CAMK2B: variants seen among roughly 807,000 people sequenced by gnomAD.
CAMK2B encodes the protein calcium/calmodulin-dependent protein kinase type II subunit beta.
In CAMK2B, 27 loss-of-function variants were observed where a neutral mutation model predicts 93.7. The ratio of observed to expected loss-of-function variants is 0.29; its 90% CI spans 0.21 to 0.40. The LOEUF (loss-of-function observed/expected upper bound fraction) is 0.40. CAMK2B is among the 10% of genes least tolerant of loss of function. CAMK2B has a pLI of 1.00. For missense variants in CAMK2B, 568 were observed against 895.8 expected (o/e 0.63, Z 4.67); for synonymous variants, 374 against 358.8 (o/e 1.04, Z -0.48).
intron 1 of CAMK2B, among the ~76,000 whole-genome samples, chr7:44,294,851 G>A (rs763423850): frequency 1.3e-5 from 2 of 152,174 alleles, no homozygotes; most frequent in Non-Finnish European, 2.9e-5. Context: ...CAAAAGGTCA[G>A]CTGGGTCCCA....
intron 13 of CAMK2B, among the ~76,000 whole-genome samples, chr7:44,237,313 G>C (rs1051113661): frequency 6.6e-6 from 1 of 152,220 alleles, no homozygotes; most frequent in African/African-American, 2.4e-5. Flanking sequence ...TATGCTACTG[G>C]AGATGTACCA....
At position 44,217,343 on chromosome 7, in the gene CAMK2B, C is replaced by T. The variant is rs770816172; in HGVS notation, c.*2182G>A. On this transcript the variant is annotated 3_prime_UTR_variant, in exon 24 of 24. Transcript: ENST00000395749. ...GCCAGCGGCCGCCACCACCACACCG[C>T]GGACACCTAGCTAGCAGACCGGTGT... The T allele has an allele frequency of 3.9e-5, 6 of 152,498 alleles. No individual in the cohort carries two copies. The highest frequency in any genetic ancestry group is 1.9e-4 in the East Asian group (1 of 5,174). The allele number at this position is 152,498 out of a possible 1,614,324, so 9.4% of individuals were successfully genotyped here.
rs117331519 is a variant in CAMK2B at position 44,312,910 on chromosome 7, G to T, written c.65+12447C>A. 0.012 allele frequency among the ~76,000 whole-genome samples: 1,884 copies of T among 152,256 alleles called. 10 individuals carry two copies. Among genetic ancestry groups the T allele is most frequent in the Non-Finnish European group, 0.019 (1,317 of 68,008 alleles). On this transcript the variant is annotated intron_variant, in intron 1 of 23. Coordinates refer to ENST00000395749, the MANE Select transcript of CAMK2B (RefSeq NM_001220.5). This position sits in a 1 kb window ranked among gnomAD's most constrained non-coding sequence, Gnocchi z 4.1. ...GAGGGGTGTTCTCCGTCAGTCCCTG[G>T]GGCTGTTATGATGAAAGGATGGGGA...
At chr7:44,262,133 G>A (rs1480746852) in intron 3 of CAMK2B, among the ~76,000 whole-genome samples, 8 of 152,226 alleles carry the variant, frequency 5.3e-5, no homozygotes, top group Non-Finnish European at 8.8e-5. Context: ...AGCGACCTTC[G>A]GAGCCAGGCC....
chr7:44,310,431 C>T (rs774611597), intron 1 of CAMK2B, among the ~76,000 whole-genome samples: 11 of 152,158 alleles, frequency 7.2e-5, no homozygotes, highest in East Asian at 3.9e-4. Flanking sequence ...CAGAGAGTTA[C>T]GTGGCAGCCC....
chr7:44,232,680 G>A (rs1207883480), intron 16 of CAMK2B, 142 bp downstream of exon 16: 3 of 777,866 alleles, frequency 3.9e-6, no homozygotes, highest in Non-Finnish European at 4.4e-6. Context: ...AAGACGGACT[G>A]GGGCCCTACC....
intron 2 of CAMK2B, among the ~76,000 whole-genome samples, chr7:44,276,074 G>C (rs552325204): frequency 1.4e-4 from 21 of 152,020 alleles, no homozygotes; most frequent in African/African-American, 4.6e-4. Flanking sequence ...TAGGGAAGCA[G>C]AGGAGGTCTC....
At chr7:44,258,501 G>A (rs1686176827) in intron 4 of CAMK2B, among the ~76,000 whole-genome samples, 1 of 152,242 alleles carries the variant, frequency 6.6e-6, no homozygotes, top group South Asian at 2.1e-4. Flanking sequence ...CCAGCCAGTG[G>A]TGCCCCAGTC....
intron 13 of CAMK2B, among the ~76,000 whole-genome samples, chr7:44,236,947 A>G (rs1355488905): frequency 1.3e-5 from 2 of 152,246 alleles, no homozygotes; most frequent in African/African-American, 4.8e-5. Context: ...TGAACAGGCA[A>G]GGAAGGGACC....
chr7:44,300,865 C>T (rs1402420738), intron 1 of CAMK2B, among the ~76,000 whole-genome samples: 1 of 152,136 alleles, frequency 6.6e-6, no homozygotes, highest in Non-Finnish European at 1.5e-5. Flanking sequence ...ATCACCAAGA[C>T]AGACCACATT....
intron 4 of CAMK2B, among the ~76,000 whole-genome samples, chr7:44,257,435 G>A (rs1049758368): frequency 1.3e-5 from 2 of 152,154 alleles, no homozygotes; most frequent in Admixed American, 6.5e-5. Flanking sequence ...ACACATGCAC[G>A]AACACACCAC....
intron 2 of CAMK2B, among the ~76,000 whole-genome samples, chr7:44,274,361 C>G (rs1335517447): frequency 6.6e-6 from 1 of 152,198 alleles, no homozygotes; most frequent in Non-Finnish European, 1.5e-5. Flanking sequence ...CCAGGGCTCC[C>G]TGCAGCTGTT....
At position 44,221,085 on chromosome 7, in the gene CAMK2B, G is replaced by A. The variant is rs80077528; in HGVS notation, c.1598-184C>T. 3,094 of 587,732 alleles carry A rather than the reference G, an allele frequency of 5.3e-3. 9 individuals are homozygous for A. Among genetic ancestry groups the A allele is most frequent in the Non-Finnish European group, 6.9e-3 (2,284 of 329,902 alleles). The allele number at this position is 587,732 out of a possible 1,614,324, so 36.4% of individuals were successfully genotyped here. ...TCACCAGTGGCTTCCTCATTTTCAA[G>A]TGCAACAGCTTCCATCTTATTTTTC... On this transcript the variant is annotated intron_variant, in intron 20 of 23. Transcript: ENST00000395749.
chr7:44,308,819 C>T (rs1022802226), intron 1 of CAMK2B, among the ~76,000 whole-genome samples: 2 of 152,164 alleles, frequency 1.3e-5, no homozygotes, highest in Non-Finnish European at 2.9e-5. Flanking sequence ...AGGCGGTGTG[C>T]GAGCCCCTCG....
chr7:44,242,525 A>G, intron 9 of CAMK2B, 35 bp downstream of exon 9: 1 of 1,564,008 alleles, frequency 6.4e-7, no homozygotes, highest in Non-Finnish European at 8.8e-7. Context: ...CACCTGGAGG[A>G]AGGGAGCTCA....
intron 2 of CAMK2B, among the ~76,000 whole-genome samples, chr7:44,267,319 A>G (rs893465612): frequency 1.3e-5 from 2 of 152,338 alleles, no homozygotes; most frequent in African/African-American, 2.4e-5. Context: ...AGTGATGAGC[A>G]GAGTGCTCTC....
chr7:44,225,619 G>T lies in CAMK2B; in HGVS notation c.1597+897C>A, dbSNP rs1562784842. On this transcript the variant is annotated intron_variant, in intron 20 of 23. Coordinates refer to ENST00000395749, the MANE Select transcript of CAMK2B (RefSeq NM_001220.5). This position sits in a 1 kb window ranked among gnomAD's most constrained non-coding sequence, Gnocchi z 5.0. ...GATCCAGTGCCCCTTTGAGCCTGCA[G>T]CCTGCATCCCCCTCCTCGAGCCGCT... 1.4e-6 allele frequency: 1 copy of T among 725,488 alleles called. No individual in the cohort carries two copies. Among genetic ancestry groups the T allele is most frequent in the Non-Finnish European group, 2.0e-6 (1 of 491,876 alleles). 44.9% of individuals were successfully genotyped at this position (725,488 alleles called of 1,614,324 possible).
chr7:44,295,721 G>A (rs748753145), intron 1 of CAMK2B, among the ~76,000 whole-genome samples: 19 of 152,292 alleles, frequency 1.2e-4, no homozygotes, highest in South Asian at 1.0e-3. Context: ...ATGCCACGGC[G>A]TTCTGTTCTT....
At chr7:44,310,211 T>G (rs1366402719) in intron 1 of CAMK2B, among the ~76,000 whole-genome samples, 1 of 152,278 alleles carries the variant, frequency 6.6e-6, no homozygotes, top group African/African-American at 2.4e-5. Flanking sequence ...TCGAAAGTTT[T>G]ATTCTCAAGG....
Sources: allele counts gnomAD v4.1 joint callset (sites outside exome capture counted in the v4.1 genomes callset), GRCh38; gene constraint gnomAD v4.1.1; non-coding constraint Gnocchi (gnomAD v3.1); transcripts MANE v1.5; gene names NCBI Gene and HGNC (gene_info 2026-07-23, HGNC 2026-07-21).